SFMBT2: variants seen among roughly 807,000 people sequenced by gnomAD.
SFMBT2 encodes scm-like with four MBT domains protein 2.
In SFMBT2, 38 loss-of-function variants were observed where a neutral mutation model predicts 110.1. The ratio of observed to expected loss-of-function variants is 0.35; its 90% CI spans 0.27 to 0.45. The LOEUF (loss-of-function observed/expected upper bound fraction) is 0.45. SFMBT2 is among the 20% of genes least tolerant of loss of function. SFMBT2 has a pLI of 1.00. For synonymous variants in SFMBT2, 425 were observed against 425.4 expected, an observed-to-expected ratio of 1.00 and a Z score of 0.01; for missense variants, 1,011 against 1,094.9, an observed-to-expected ratio of 0.92 and a Z score of 1.08.
At chr10:7,202,435 G>A in intron 13 of SFMBT2, 45 bp downstream of exon 13, 1 of 1,611,710 alleles carries the variant, frequency 6.2e-7, no homozygotes, top group Non-Finnish European at 8.5e-7. Context: ...AGACACTACA[G>A]TTTATCGGTA....
At chr10:7,253,013 G>A (rs1194366937) in intron 7 of SFMBT2, among the ~76,000 whole-genome samples, 3 of 152,160 alleles carry the variant, frequency 2.0e-5, no homozygotes, top group Admixed American at 6.5e-5. Flanking sequence ...TTAATCAATC[G>A]TGCCTACATA....
chr10:7,197,763 A>C, intron 14 of SFMBT2, 76 bp from the exon 15 acceptor site: 1 of 1,532,254 alleles, frequency 6.5e-7, no homozygotes, highest in Non-Finnish European at 8.8e-7. Context: ...CCCTTGCTTC[A>C]TCCACATGGT....
At chr10:7,392,500 C>T (rs1177173165) in intron 1 of SFMBT2, among the ~76,000 whole-genome samples, 3 of 151,746 alleles carry the variant, frequency 2.0e-5, no homozygotes, top group East Asian at 1.9e-4. Flanking sequence ...GGACAAAGAG[C>T]GAGACTCCGT....
At chr10:7,239,526 T>TCAC (rs1840368787) in intron 9 of SFMBT2, among the ~76,000 whole-genome samples, 1 of 152,074 alleles carries the variant, frequency 6.6e-6, no homozygotes, top group Admixed American at 6.5e-5. Flanking sequence ...ACTACCACAA[T>TCAC]CACCACCACC....
At chr10:7,178,365 C>T (rs1768123717) in intron 16 of SFMBT2, among the ~76,000 whole-genome samples, 2 of 152,174 alleles carry the variant, frequency 1.3e-5, no homozygotes, top group Admixed American at 1.3e-4. Context: ...ACTAGGAAAA[C>T]GAGAGTTCTG....
chr10:7,311,380 C>T (rs980369018), intron 4 of SFMBT2, among the ~76,000 whole-genome samples: 1 of 152,254 alleles, frequency 6.6e-6, no homozygotes, highest in African/African-American at 2.4e-5. Flanking sequence ...CTAACAGATT[C>T]TTCCATTGAC....
Position 7,172,246 on chromosome 10 carries a change from A to G in SFMBT2, c.2152-88T>C. ...CGGTCAGACCCTGGGCCCAGTGCAG[A>G]CCACCTAGCAAACCCTCGGAAATGG... On this transcript the variant is annotated intron_variant, in intron 18 of 20. Transcript: ENST00000397167. This position sits in a 1 kb window ranked among gnomAD's most constrained non-coding sequence, Gnocchi z 4.6. 1 of 1,481,248 alleles carries G rather than the reference A, an allele frequency of 6.8e-7. No homozygotes were observed. Among genetic ancestry groups the G allele is most frequent in the Non-Finnish European group, 8.9e-7 (1 of 1,118,062 alleles). The allele number at this position is 1,481,248 out of a possible 1,614,324, so 91.8% of individuals were successfully genotyped here.
chr10:7,364,909 T>C (rs1844844582), intron 4 of SFMBT2, among the ~76,000 whole-genome samples: 2 of 152,232 alleles, frequency 1.3e-5, no homozygotes, highest in Non-Finnish European at 2.9e-5. Context: ...ATTTCCTCAA[T>C]ATTCCATCAG....
chr10:7,223,619 A>G (rs2762581), intron 10 of SFMBT2, among the ~76,000 whole-genome samples: 74,858 of 152,000 alleles, frequency 0.49, 18,979 homozygotes, highest in East Asian at 0.87. Context: ...AGCTAATCCA[A>G]TAAATTTGTT....
In SFMBT2 at chr10:7,395,189, C is replaced by T. The variant is rs749540649; in HGVS notation, c.-51-13240G>A. Among the ~76,000 whole-genome samples the T allele has an allele frequency of 2.6e-4, 40 of 152,220 alleles. No homozygotes were observed. The Middle Eastern group carries it at 0.01, about 39-fold the overall frequency. On this transcript the variant is annotated intron_variant, in intron 1 of 20. Coordinates refer to ENST00000397167, the MANE Select transcript of SFMBT2 (RefSeq NM_001387889.1). ...CAAAAGCTAGCCCAGCGTGGTGGCG[C>T]GCACCTGTAATCCCAGCTACTCAGG...
At chr10:7,203,616 GACA>G (rs1588799166) in intron 12 of SFMBT2, 28 of 878,806 alleles carry the variant, frequency 3.2e-5, no homozygotes, top group Non-Finnish European at 3.7e-5. Context: ...CTGTTTGAGG[GACA>G]ACAAGGACAG....
At chr10:7,362,728 T>C (rs1844763868) in intron 4 of SFMBT2, among the ~76,000 whole-genome samples, 1 of 152,236 alleles carries the variant, frequency 6.6e-6, no homozygotes, top group South Asian at 2.1e-4. Context: ...CTGGTTCCAA[T>C]GGGGAACTGG....
chr10:7,400,892 G>A (rs964899233), intron 1 of SFMBT2, among the ~76,000 whole-genome samples: 37 of 152,312 alleles, frequency 2.4e-4, no homozygotes, highest in Middle Eastern at 3.4e-3. Context: ...CAGCACTTCA[G>A]GAAGCCGAGG....
rs35463277 is a variant in SFMBT2 at position 7,379,430 on chromosome 10, T to TAA, written c.100+2367_100+2368dup. Among the ~76,000 whole-genome samples the TAA allele has an allele frequency of 4.3e-3, 650 of 150,884 alleles. 8 individuals carry two copies. The highest frequency in any genetic ancestry group is 7.3e-3 in the Admixed American group (111 of 15,156). ...TTGAATGCTCAAAACTAGATTTTAG[T>TAA]AAAAAAAAAATAAGCTACTTGTGGA... On this transcript the variant is annotated intron_variant, in intron 2 of 20. Transcript: ENST00000397167.
Position 7,220,529 on chromosome 10 carries a change from G to A in SFMBT2, c.1212C>T (p.Phe404=). Residue 404 remains phenylalanine, a synonymous_variant, in exon 11 of 21, where the codon TTC becomes TTT. Transcript: ENST00000397167. ...APPFCFRNTS[F]SRGFTKNMKL... The stretch of plus-strand genomic sequence containing the variant: ...TCATGTTCTTTGTGAAACCTCGACT[G>A]AATGATGTCTGCAAGAGAAACGAGA... 2 of 1,614,024 alleles carry A rather than the reference G, an allele frequency of 1.2e-6. No individual in the cohort carries two copies. The highest frequency in any genetic ancestry group is 1.3e-5 in the African/African-American group (1 of 75,010).
chr10:7,266,514 G>A (rs1007137142), intron 7 of SFMBT2, among the ~76,000 whole-genome samples: 3 of 152,198 alleles, frequency 2.0e-5, no homozygotes, highest in Admixed American at 1.3e-4. Flanking sequence ...GTAAGCAGGT[G>A]TCAGTGGGAT....
chr10:7,381,812 T>C lies in SFMBT2; in HGVS notation c.87A>G (p.Gly29=). 6.2e-7 allele frequency: 1 copy of C among 1,613,372 alleles called. No individual in the cohort carries two copies. The highest frequency in any genetic ancestry group is 8.5e-7 in the Non-Finnish European group (1 of 1,179,660). The part of the protein sequence containing the change: ...EKCLGSANGN[G]DLDSEEGSSL... ...ACAAAATCCTACCAGAATCAAGGTCTCCATTTCCATTAGCTGAGCCGAGAC... is the reference window on the plus strand; with the variant it reads ...ACAAAATCCTACCAGAATCAAGGTCCCCATTTCCATTAGCTGAGCCGAGAC... The change falls in exon 2 of 21, where the codon GGA becomes GGG. Residue 29 remains glycine (G), a synonymous_variant. Transcript: ENST00000397167.
At chr10:7,303,491 A>AAGAG (rs145860586) in intron 4 of SFMBT2, among the ~76,000 whole-genome samples, 2 of 151,298 alleles carry the variant, frequency 1.3e-5, no homozygotes, top group East Asian at 1.9e-4. Context: ...CGAGACTAAA[A>AAGAG]AGAGAGAGAG....
At chr10:7,361,615 T>G (rs1464723384) in intron 4 of SFMBT2, among the ~76,000 whole-genome samples, 1 of 152,258 alleles carries the variant, frequency 6.6e-6, no homozygotes, top group African/African-American at 2.4e-5. Context: ...CTAACTCCAC[T>G]AATTTTGATT....
Sources: gnomAD v4.1 joint callset for allele counts (sites outside exome capture counted in the v4.1 genomes callset) on GRCh38, gnomAD v4.1.1 for gene constraint, Gnocchi (gnomAD v3.1) non-coding constraint, MANE v1.5 for transcripts, NCBI Gene and HGNC (gene_info 2026-07-23, HGNC 2026-07-21) for gene names.